The following FAF1 variants were observed in gnomAD, a reference collection of about 807,000 sequenced individuals.
FAF1 encodes the protein Fas associated factor 1.
Under a neutral mutation model 92.5 loss-of-function variants are expected in FAF1, and 25 were observed. The ratio of observed to expected loss-of-function variants is 0.27; its 90% CI spans 0.20 to 0.38. FAF1 has a LOEUF of 0.38. Ranked by LOEUF, FAF1 falls within the 10% of genes least tolerant of loss-of-function variation. The pLI, the probability that FAF1 is intolerant of heterozygous loss-of-function variation, is 1.00. For missense variants in FAF1, 636 were observed against 793.3 expected (o/e 0.80, Z 2.38); for synonymous variants, 234 against 273.2 (o/e 0.86, Z 1.42).
chr1:50,911,146 C>T (rs1473051219), intron 1 of FAF1, among the ~76,000 whole-genome samples: 1 of 151,904 alleles, frequency 6.6e-6, no homozygotes, highest in Non-Finnish European at 1.5e-5. Flanking sequence ...GATCTCAGCT[C>T]ACTGCAACCT....
At chr1:50,771,997 A>G (rs553581745) in intron 4 of FAF1, among the ~76,000 whole-genome samples, 172 of 152,330 alleles carry the variant, frequency 1.1e-3, no homozygotes, top group African/African-American at 4.0e-3. Flanking sequence ...AGCCCTTGGG[A>G]AAAAGCAGAG....
At chr1:50,816,761 C>A (rs1172301383) in intron 2 of FAF1, among the ~76,000 whole-genome samples, 1 of 152,056 alleles carries the variant, frequency 6.6e-6, no homozygotes, top group Non-Finnish European at 1.5e-5. Flanking sequence ...TTGCCAAGAC[C>A]GATGTTTAGA....
At chr1:50,736,428 ATTGT>A (rs1659140145) in intron 6 of FAF1, among the ~76,000 whole-genome samples, 1 of 152,296 alleles carries the variant, frequency 6.6e-6, no homozygotes, top group South Asian at 2.1e-4. Context: ...TTACTAGGAT[ATTGT>A]TTGTTTGATT....
chr1:50,853,295 A>G (rs928800289), intron 2 of FAF1, among the ~76,000 whole-genome samples: 1 of 152,138 alleles, frequency 6.6e-6, no homozygotes, highest in Non-Finnish European at 1.5e-5. Context: ...AAGTACCTCA[A>G]TGGATCTTAA....
intron 1 of FAF1, among the ~76,000 whole-genome samples, chr1:50,958,840 A>G (rs1045673416): frequency 3.3e-5 from 5 of 152,236 alleles, no homozygotes. Context: ...AAGTCTGCCT[A>G]TACTTGACAG....
intron 8 of FAF1, among the ~76,000 whole-genome samples, chr1:50,613,957 C>T (rs963922612): frequency 6.6e-6 from 1 of 151,810 alleles, no homozygotes. Flanking sequence ...ATTATCCGGG[C>T]GTGGTGGCAC....
chr1:50,825,295 T>C (rs1356787749), intron 2 of FAF1, among the ~76,000 whole-genome samples: 2 of 151,970 alleles, frequency 1.3e-5, no homozygotes, highest in Non-Finnish European at 2.9e-5. Flanking sequence ...ACCTTAAATA[T>C]AAAAACCTAA....
In FAF1 at chr1:50,437,242, T is replaced by G. The variant is rs1267075326; in HGVS notation, c.*4198A>C. On this transcript the variant is annotated 3_prime_UTR_variant, in exon 19 of 19. Coordinates refer to ENST00000396153, the MANE Select transcript of FAF1 (RefSeq NM_007051.3). ...GGTTTCTTTTAGATAAAAATACGGA[T>G]TGATAAAAAGAATGGACAGATTCTT... is the stretch of plus-strand genomic sequence containing the variant. 1 of 152,200 alleles carries G rather than the reference T, an allele frequency of 6.6e-6. No individual in the cohort carries two copies. The highest frequency in any genetic ancestry group is 1.5e-5 in the Non-Finnish European group (1 of 68,040). 9.4% of individuals were successfully genotyped at this position (152,200 alleles called of 1,614,324 possible).
intron 1 of FAF1, among the ~76,000 whole-genome samples, chr1:50,867,778 T>C (rs1570075637): frequency 6.6e-6 from 1 of 152,282 alleles, no homozygotes; most frequent in East Asian, 1.9e-4. Context: ...TGGAGATTCC[T>C]TAAAGAACTA....
At chr1:50,576,635 C>G (rs563667479) in intron 12 of FAF1, among the ~76,000 whole-genome samples, 3 of 54,828 alleles carry the variant, frequency 5.5e-5, no homozygotes, top group Non-Finnish European at 1.1e-4. Context: ...TCCGCACCGC[C>G]CCCCCCCCGC....
intron 17 of FAF1, among the ~76,000 whole-genome samples, chr1:50,476,248 T>A (rs1454938835): frequency 6.6e-6 from 1 of 152,200 alleles, no homozygotes; most frequent in Non-Finnish European, 1.5e-5. Flanking sequence ...TACTTAAGAA[T>A]GGCAAGTTAC....
intron 1 of FAF1, among the ~76,000 whole-genome samples, chr1:50,884,786 T>A (rs977232483): frequency 1.3e-5 from 2 of 152,162 alleles, no homozygotes; most frequent in East Asian, 3.8e-4. Flanking sequence ...ACTGGCCTTG[T>A]AGAATGAGTT....
At chr1:50,461,173 A>G (rs1646424652) in intron 18 of FAF1, among the ~76,000 whole-genome samples, 1 of 152,150 alleles carries the variant, frequency 6.6e-6, no homozygotes, top group South Asian at 2.1e-4. Flanking sequence ...TCTAAAACCA[A>G]TAGCTCCCCA....
chr1:50,821,335 A>T (rs188624815), intron 2 of FAF1, among the ~76,000 whole-genome samples: 2 of 152,202 alleles, frequency 1.3e-5, no homozygotes, highest in African/African-American at 4.8e-5. Flanking sequence ...GCCAGAAATC[A>T]TATTTTTTTA....
chr1:50,722,853 G>A (rs1047261758), intron 6 of FAF1, among the ~76,000 whole-genome samples: 5 of 152,084 alleles, frequency 3.3e-5, no homozygotes, highest in African/African-American at 4.8e-5. Flanking sequence ...AGAAGCTAAG[G>A]CGTAAATCGA....
At chr1:50,881,675 C>A (rs1557572469) in intron 1 of FAF1, among the ~76,000 whole-genome samples, 3 of 152,216 alleles carry the variant, frequency 2.0e-5, no homozygotes, top group Admixed American at 6.5e-5. Context: ...TTTTGCAGAG[C>A]TGATGTTGTT....
intron 7 of FAF1, among the ~76,000 whole-genome samples, chr1:50,692,865 T>C (rs1657000040): frequency 6.6e-6 from 1 of 152,250 alleles, no homozygotes; most frequent in Admixed American, 6.5e-5. Flanking sequence ...TTTGCATATC[T>C]TCTCCTGAGA....
At chr1:50,684,425 A>G (rs1404956470) in intron 7 of FAF1, among the ~76,000 whole-genome samples, 1 of 152,130 alleles carries the variant, frequency 6.6e-6, no homozygotes, top group Non-Finnish European at 1.5e-5. Flanking sequence ...GATATACTCA[A>G]TCACTTATTT....
chr1:50,835,026 GC>G (rs1225827637), intron 2 of FAF1, among the ~76,000 whole-genome samples: 1 of 152,178 alleles, frequency 6.6e-6, no homozygotes, highest in Admixed American at 6.5e-5. Flanking sequence ...ATAAGGGCAA[GC>G]AGTTATGACA....
Sources: allele counts gnomAD v4.1 joint callset (sites outside exome capture counted in the v4.1 genomes callset), GRCh38; gene constraint gnomAD v4.1.1; transcripts MANE v1.5; gene names NCBI Gene and HGNC (gene_info 2026-07-23, HGNC 2026-07-21).